TBC1D22A: variants seen among roughly 807,000 people sequenced by gnomAD.
TBC1D22A encodes the protein TBC1 domain family member 22A.
Under a neutral mutation model 60.2 loss-of-function variants are expected in TBC1D22A, and 38 were observed. That is an observed-to-expected ratio of 0.63 (90% CI 0.49 to 0.83). TBC1D22A has a LOEUF of 0.83. Ranked by LOEUF, TBC1D22A falls within the 40% of genes least tolerant of loss-of-function variation. TBC1D22A has a pLI of 0.00. For missense variants in TBC1D22A, 628 were observed against 701.0 expected, an observed-to-expected ratio of 0.90 and a Z score of 1.18; for synonymous variants, 302 against 281.7, an observed-to-expected ratio of 1.07 and a Z score of -0.72.
intron 12 of TBC1D22A, among the ~76,000 whole-genome samples, chr22:47,170,950 C>G (rs567114139): frequency 6.6e-6 from 1 of 152,292 alleles, no homozygotes; most frequent in Non-Finnish European, 1.5e-5. Flanking sequence ...AAATGGAGAG[C>G]GCAGCTCCGG....
At chr22:46,798,587 T>G (rs1253459231) in intron 4 of TBC1D22A, among the ~76,000 whole-genome samples, 3 of 152,248 alleles carry the variant, frequency 2.0e-5, no homozygotes, top group African/African-American at 7.2e-5. Context: ...CGTCCTTCCT[T>G]TCCCTATCTC....
intron 1 of TBC1D22A, among the ~76,000 whole-genome samples, chr22:46,783,206 T>C (rs1845993754): frequency 6.6e-6 from 1 of 152,232 alleles, no homozygotes; most frequent in African/African-American, 2.4e-5. Flanking sequence ...CTAATGATAC[T>C]GAGCTTACTT....
At chr22:46,905,314 T>C (rs4823892) in intron 7 of TBC1D22A, among the ~76,000 whole-genome samples, 54,165 of 152,110 alleles carry the variant, frequency 0.36, 11,441 homozygotes, top group East Asian at 0.64. Flanking sequence ...AAGGGAAGCC[T>C]GGGCCTGGAG....
chr22:47,171,123 G>C (rs2068431528), intron 12 of TBC1D22A, among the ~76,000 whole-genome samples: 1 of 152,206 alleles, frequency 6.6e-6, no homozygotes, highest in South Asian at 2.1e-4. Context: ...CTTATCTCCA[G>C]ATGAAGAAGA....
At position 46,795,878 on chromosome 22, in the gene TBC1D22A, C is replaced by T. The variant is rs1437643622; in HGVS notation, c.461-1566C>T. 4.6e-5 allele frequency among the ~76,000 whole-genome samples: 7 copies of T among 152,334 alleles called. No homozygotes were observed. In the East Asian group the frequency reaches 1.4e-3, roughly 29 times the overall value. On this transcript the variant is annotated intron_variant, in intron 3 of 12. Coordinates refer to ENST00000337137, the MANE Select transcript of TBC1D22A (RefSeq NM_014346.5). ...AATTCTGGGACTCAGTGCACAGCTG[C>T]TCTTCCTGCTGAATATTCACTCTGA...
At chr22:46,896,965 G>A (rs548977834) in intron 7 of TBC1D22A, among the ~76,000 whole-genome samples, 49 of 152,258 alleles carry the variant, frequency 3.2e-4, no homozygotes, top group East Asian at 1.9e-4. Context: ...TGGGAGAATG[G>A]ATAGCTTTAT....
intron 11 of TBC1D22A, among the ~76,000 whole-genome samples, chr22:47,089,640 C>G (rs4823589): frequency 0.44 from 66,255 of 151,906 alleles, 14,800 homozygotes; most frequent in East Asian, 0.59. Context: ...CTGGAGGTGA[C>G]AAGGGGACAG....
intron 8 of TBC1D22A, among the ~76,000 whole-genome samples, chr22:46,934,564 A>G (rs2071537277): frequency 6.6e-6 from 1 of 152,184 alleles, no homozygotes; most frequent in African/African-American, 2.4e-5. Flanking sequence ...CTCTTGGGGA[A>G]GACTCTTCTT....
At chr22:46,997,581 A>G in intron 9 of TBC1D22A, 53 bp from the exon 10 acceptor site, 2 of 1,473,874 alleles carry the variant, frequency 1.4e-6, no homozygotes, top group Non-Finnish European at 1.9e-6. Context: ...TCCCTTTTGG[A>G]AAGTTTGTTT....
chr22:47,164,771 G>T (rs772551822), intron 12 of TBC1D22A, among the ~76,000 whole-genome samples: 1 of 152,196 alleles, frequency 6.6e-6, no homozygotes, highest in South Asian at 2.1e-4. Context: ...GGACCTTTTC[G>T]CCATGATTTC....
At chr22:46,911,785 A>G (rs1156804447) in intron 7 of TBC1D22A, among the ~76,000 whole-genome samples, 2 of 151,868 alleles carry the variant, frequency 1.3e-5, no homozygotes, top group Non-Finnish European at 2.9e-5. Context: ...CAGGCATGGT[A>G]GCGCATGCCT....
rs148456095 is a variant in TBC1D22A at position 46,847,156 on chromosome 22, C to T, written c.638-31497C>T. Among the ~76,000 whole-genome samples, 940 of 152,304 alleles carry T rather than the reference C, an allele frequency of 6.2e-3. 4 individuals are homozygous for T. Among genetic ancestry groups the T allele is most frequent in the Non-Finnish European group, 0.011 (729 of 68,020 alleles). ...GTGACCTCTCCCTCATTTTTGGAGA[C>T]CCCAGGTGGGCCTAACCTGGAGGCA... is the stretch of plus-strand genomic sequence containing the variant. On this transcript the variant is annotated intron_variant, in intron 4 of 12. Transcript: ENST00000337137.
At chr22:46,774,868 G>T (rs1490217548) in intron 1 of TBC1D22A, among the ~76,000 whole-genome samples, 1 of 152,222 alleles carries the variant, frequency 6.6e-6, no homozygotes, top group East Asian at 1.9e-4. Context: ...TCTCATGTGC[G>T]CTGTGTGCAC....
intron 5 of TBC1D22A, among the ~76,000 whole-genome samples, chr22:46,888,931 C>T (rs1337083519): frequency 6.6e-6 from 1 of 152,190 alleles, no homozygotes; most frequent in Non-Finnish European, 1.5e-5. Context: ...GTCTTGAACT[C>T]CTGACGTCGT....
intron 12 of TBC1D22A, among the ~76,000 whole-genome samples, chr22:47,148,874 A>G (rs2067387763): frequency 6.6e-6 from 1 of 151,138 alleles, no homozygotes; most frequent in Non-Finnish European, 1.5e-5. Flanking sequence ...CAGCCTTGCC[A>G]CCTCCTGGCT....
intron 8 of TBC1D22A, among the ~76,000 whole-genome samples, chr22:46,928,077 T>G (rs765402930): frequency 6.6e-6 from 1 of 151,546 alleles, no homozygotes; most frequent in Non-Finnish European, 1.5e-5. Flanking sequence ...GAGCTTATCT[T>G]AAAATTCATT....
chr22:47,073,579 A>T (rs1397927228), intron 11 of TBC1D22A, among the ~76,000 whole-genome samples: 1 of 152,188 alleles, frequency 6.6e-6, no homozygotes, highest in Non-Finnish European at 1.5e-5. Flanking sequence ...TTAAAAAAAC[A>T]CATAAAACCA....
At chr22:47,130,834 T>C (rs1298861211) in intron 12 of TBC1D22A, among the ~76,000 whole-genome samples, 1 of 152,256 alleles carries the variant, frequency 6.6e-6, no homozygotes, top group Admixed American at 6.5e-5. Flanking sequence ...TAGCCCCTTA[T>C]TTCCGACCTT....
Position 46,824,996 on chromosome 22 carries a change from G to A in TBC1D22A, c.637+27376G>A, listed in dbSNP as rs547416761. 2.4e-4 allele frequency among the ~76,000 whole-genome samples: 37 copies of A among 152,212 alleles called. 1 individual carries two copies. The highest frequency in any genetic ancestry group is 8.4e-4 in the African/African-American group (35 of 41,514). On this transcript the variant is annotated intron_variant, in intron 4 of 12. Coordinates refer to ENST00000337137, the MANE Select transcript of TBC1D22A (RefSeq NM_014346.5). The stretch of plus-strand genomic sequence containing the variant: ...CAGGATGGGGACGTGGGGTGTGGAT[G>A]CTGGAGTTACATTGAGACCTGGCCT...
Sources: gnomAD v4.1 joint callset for allele counts (sites outside exome capture counted in the v4.1 genomes callset) on GRCh38, gnomAD v4.1.1 for gene constraint, MANE v1.5 for transcripts, NCBI Gene and HGNC (gene_info 2026-07-23, HGNC 2026-07-21) for gene names.